HEMK2: variants seen among roughly 807,000 people sequenced by gnomAD.
HEMK2 encodes the protein HemK methyltransferase 2, ETF1 glutamine and histone H4 lysine, also known as methyltransferase HEMK2.
chr21:28,806,245 A>G, the HEMK2 span, among the ~76,000 whole-genome samples: 1 of 152,202 alleles, frequency 6.6e-6, no homozygotes, highest in Non-Finnish European at 1.5e-5. Flanking sequence ...ACAGATAATT[A>G]TGGAATTGTG....
At chr21:28,803,920 G>A in the HEMK2 span, among the ~76,000 whole-genome samples, 19 of 152,336 alleles carry the variant, frequency 1.2e-4, 1 homozygote, top group Non-Finnish European at 2.6e-4. Context: ...GAAGGGCAAC[G>A]AGTTATGCAT....
chr21:28,877,933 T>C, the HEMK2 span, among the ~76,000 whole-genome samples: 1 of 152,050 alleles, frequency 6.6e-6, no homozygotes, highest in African/African-American at 2.4e-5. Flanking sequence ...AAAAAAACAT[T>C]AGAGATTTTT....
the HEMK2 span, among the ~76,000 whole-genome samples, chr21:28,688,774 C>G: frequency 1.3e-5 from 2 of 152,188 alleles, no homozygotes; most frequent in East Asian, 3.9e-4. Context: ...ATTTTGTTTA[C>G]TTTTATATAA....
At chr21:28,629,212 T>A in the HEMK2 span, among the ~76,000 whole-genome samples, 1 of 152,204 alleles carries the variant, frequency 6.6e-6, no homozygotes, top group Non-Finnish European at 1.5e-5. Flanking sequence ...GCATTTAGTG[T>A]GCTTGGATTT....
chr21:28,737,458 G>GT, the HEMK2 span, among the ~76,000 whole-genome samples: 1 of 152,126 alleles, frequency 6.6e-6, no homozygotes, highest in African/African-American at 2.4e-5. Context: ...ATTATAAAAT[G>GT]TTTTTGAGGC....
chr21:28,850,435 A>T, the HEMK2 span, among the ~76,000 whole-genome samples: 1 of 152,064 alleles, frequency 6.6e-6, no homozygotes, highest in Non-Finnish European at 1.5e-5. Context: ...CGTGTTAGCC[A>T]GGATGGTCTC....
the HEMK2 span, among the ~76,000 whole-genome samples, chr21:28,624,520 G>T: frequency 1.3e-5 from 2 of 152,216 alleles, no homozygotes; most frequent in Non-Finnish European, 2.9e-5. Context: ...TCAGAAGAGG[G>T]TGGCAGCAGT....
At chr21:28,731,273 A>G in the HEMK2 span, among the ~76,000 whole-genome samples, 1 of 152,190 alleles carries the variant, frequency 6.6e-6, no homozygotes, top group Non-Finnish European at 1.5e-5. Context: ...AAGCTTATAG[A>G]GCTTGAGTAA....
the HEMK2 span, among the ~76,000 whole-genome samples, chr21:28,864,147 A>T: frequency 3.3e-5 from 5 of 152,146 alleles, no homozygotes; most frequent in Non-Finnish European, 7.3e-5. Flanking sequence ...AACAGTCTTA[A>T]TGTTCCTTTT....
At chr21:28,634,186 C>T in the HEMK2 span, among the ~76,000 whole-genome samples, 2 of 152,174 alleles carry the variant, frequency 1.3e-5, no homozygotes, top group South Asian at 4.1e-4. Flanking sequence ...TTGCTTAGAT[C>T]TGACTTCCCA....
the HEMK2 span, chr21:28,883,216 T>G: frequency 6.2e-6 from 3 of 486,428 alleles, no homozygotes; most frequent in Non-Finnish European, 1.0e-5. Flanking sequence ...ATTTATAATT[T>G]CTGACAACTA....
the HEMK2 span, among the ~76,000 whole-genome samples, chr21:28,649,794 T>A: frequency 2.6e-5 from 4 of 151,852 alleles, no homozygotes; most frequent in African/African-American, 9.7e-5. Context: ...GCAATAAGAA[T>A]TTGAAGGAAG....
At chr21:28,862,856 G>GTACTGTTAACTTTATGTAT in the HEMK2 span, among the ~76,000 whole-genome samples, 1 of 152,144 alleles carries the variant, frequency 6.6e-6, no homozygotes, top group Non-Finnish European at 1.5e-5. Flanking sequence ...CAGCATTTAA[G>GTACTGTTAACTTTATGTAT]TACTGTTAAC....
At chr21:28,578,957 G>A in the HEMK2 span, among the ~76,000 whole-genome samples, 1 of 152,212 alleles carries the variant, frequency 6.6e-6, no homozygotes, top group Non-Finnish European at 1.5e-5. Flanking sequence ...TAAATGTAAT[G>A]TCAGGAAAAT....
At chr21:28,811,653 T>C in the HEMK2 span, among the ~76,000 whole-genome samples, 1 of 152,180 alleles carries the variant, frequency 6.6e-6, no homozygotes, top group East Asian at 1.9e-4. Flanking sequence ...CCCCTACCCT[T>C]TGAACGTACC....
the HEMK2 span, among the ~76,000 whole-genome samples, chr21:28,694,330 T>C: frequency 1.3e-5 from 2 of 152,238 alleles, no homozygotes; most frequent in Admixed American, 6.5e-5. Context: ...GCAATATCTA[T>C]ATAACTAACA....
the HEMK2 span, among the ~76,000 whole-genome samples, chr21:28,730,383 GACACACACAC>G: frequency 6.9e-5 from 8 of 115,830 alleles, no homozygotes; most frequent in Non-Finnish European, 9.9e-5. Context: ...AACACACACA[GACACACACAC>G]ACACACACAC....
the HEMK2 span, among the ~76,000 whole-genome samples, chr21:28,723,772 C>T: frequency 4.6e-5 from 7 of 152,172 alleles, no homozygotes; most frequent in African/African-American, 1.2e-4. Flanking sequence ...GCACGTACTA[C>T]GAACCCAAAA....
chr21:28,595,389 A>G, the HEMK2 span, among the ~76,000 whole-genome samples: 2 of 151,978 alleles, frequency 1.3e-5, no homozygotes. Flanking sequence ...CATGGGTTCA[A>G]TTGTGTGATT....
Sources: allele counts gnomAD v4.1 joint callset (sites outside exome capture counted in the v4.1 genomes callset), GRCh38; gene constraint gnomAD v4.1.1; transcripts MANE v1.5; gene names NCBI Gene and HGNC (gene_info 2026-07-23, HGNC 2026-07-21).